Variants in CELSR3 observed in about 807,000 individuals in gnomAD.
CELSR3 encodes the protein EGF-like protein 1.
CELSR3 carries 73 observed loss-of-function variants against 270.0 expected under a neutral mutation model. The ratio of observed to expected loss-of-function variants is 0.27; its 90% CI spans 0.22 to 0.33. CELSR3 has a LOEUF of 0.33. Among genes scored for constraint, CELSR3 ranks in the 10% least tolerant of loss-of-function variants. CELSR3 has a pLI of 1.00. For missense variants in CELSR3, 3,614 were observed against 4,533.8 expected (o/e 0.80, Z 5.83); for synonymous variants, 1,780 against 1,905.4 (o/e 0.93, Z 1.71).
Position 48,662,326 on chromosome 3 carries a change from C to A in CELSR3, c.309G>T (p.Glu103Asp). The change falls in exon 1 of 35, where the codon GAG (glutamate) becomes GAT (aspartate). Residue 103 changes from glutamate to aspartate, a missense_variant. By Grantham distance (45) the Glu-to-Asp change is conservative. Around this residue, in one of 7 missense-constraint regions of CELSR3, gnomAD observed 470 missense variants for 469.7 expected, o/e 1.00. Coordinates refer to ENST00000164024, the MANE Select transcript of CELSR3 (RefSeq NM_001407.3). The surrounding 1 kb of genome is among the most constrained non-coding windows in gnomAD (Gnocchi z 7.1). ...QSARNSRGPP[E>D]QPNEELGIEH... ...CAATCCCCAGCTCCTCATTCGGCTG[C>A]TCAGGGGGCCCTCGACTATTCCGGG... 6.2e-7 allele frequency: 1 copy of A among 1,613,094 alleles called. No homozygotes were observed. The highest frequency in any genetic ancestry group is 8.5e-7 in the Non-Finnish European group (1 of 1,180,026).
chr3:48,660,853 G>T lies in CELSR3; in HGVS notation c.1782C>A (p.Ala594=). Residue 594 remains alanine, a synonymous_variant, in exon 1 of 35, where the codon GCC becomes GCA. Transcript: ENST00000164024. This position sits in a 1 kb window ranked among gnomAD's most constrained non-coding sequence, Gnocchi z 5.5. ...IISGNSRGHF[A]IDSLTGEIQV... is the part of the protein sequence containing the mutation. ...GGATCTCGCCAGTGAGGCTGTCGAT[G>T]GCAAAGTGTCCACGGCTATTGCCAC... 1 of 1,614,026 alleles carries T rather than the reference G, an allele frequency of 6.2e-7. No homozygotes were observed. The highest frequency in any genetic ancestry group is 1.1e-5 in the South Asian group (1 of 91,080).
rs751894895 is a variant in CELSR3 at position 48,650,598 on chromosome 3, T to G, written c.6371-17A>C. 1 of 1,585,108 alleles carries G rather than the reference T, an allele frequency of 6.3e-7. No homozygotes were observed. The highest frequency in any genetic ancestry group is 1.1e-5 in the South Asian group (1 of 87,520). ...CATAGAGCACTAGAGAGAGAAGAGG[T>G]GCTGAGCCAGGCAGTCAGGGTACAG... is the stretch of plus-strand genomic sequence containing the variant. On this transcript the variant is annotated splice_polypyrimidine_tract_variant and intron_variant, in intron 15 of 34. Coordinates refer to ENST00000164024, the MANE Select transcript of CELSR3 (RefSeq NM_001407.3). The surrounding 1 kb of genome is among the most constrained non-coding windows in gnomAD (Gnocchi z 5.1).
chr3:48,649,232 C>A lies in CELSR3; in HGVS notation c.6473-17G>T. ...CAGCAGCACCTGGAGGCAGGCAACC[C>A]CTGGTCAGGCCTGGGGCCTGGATAC... is the stretch of plus-strand genomic sequence containing the variant. On this transcript the variant is annotated splice_polypyrimidine_tract_variant and intron_variant, in intron 16 of 34. Transcript: ENST00000164024. 6.3e-7 allele frequency: 1 copy of A among 1,593,744 alleles called. No individual in the cohort carries two copies. Among genetic ancestry groups the A allele is most frequent in the South Asian group, 1.1e-5 (1 of 88,788 alleles).
At position 48,640,632 on chromosome 3, in the gene CELSR3, G is replaced by T; in HGVS notation, c.9026-73C>A. ...GGCAGGCAGGAATTGCTGAGTCTAG[G>T]GGTGTGGCAGCCCTTGGGATCCTTC... On this transcript the variant is annotated intron_variant, in intron 33 of 34. Coordinates refer to ENST00000164024, the MANE Select transcript of CELSR3 (RefSeq NM_001407.3). This position sits in a 1 kb window ranked among gnomAD's most constrained non-coding sequence, Gnocchi z 7.5. The T allele has an allele frequency of 1.4e-6, 2 of 1,434,312 alleles. No homozygotes were observed. The highest frequency in any genetic ancestry group is 9.3e-7 in the Non-Finnish European group (1 of 1,079,174). 88.8% of individuals were successfully genotyped at this position (1,434,312 alleles called of 1,614,324 possible).
At chr3:48,656,536 C>T (rs2077023606) in intron 2 of CELSR3, among the ~76,000 whole-genome samples, 162 bp downstream of exon 2, 1 of 152,268 alleles carries the variant, frequency 6.6e-6, no homozygotes, top group African/African-American at 2.4e-5. Flanking sequence ...TCATCGCTGC[C>T]TCGGCGGCGG....
At position 48,637,867 on chromosome 3, in the gene CELSR3, G is replaced by C. The variant is rs900138895; in HGVS notation, c.*338C>G. 8.7e-6 allele frequency: 3 copies of C among 342,900 alleles called. No individual in the cohort carries two copies. Among genetic ancestry groups the C allele is most frequent in the Non-Finnish European group, 1.7e-5 (3 of 180,784 alleles). The allele number at this position is 342,900 out of a possible 1,614,324, so 21.2% of individuals were successfully genotyped here. ...ATAGGGTTTGCTCAGGACCCAAATGGGGTCAAACTGCATCTCTCCCTCTAT... is the reference window on the plus strand; with the variant it reads ...ATAGGGTTTGCTCAGGACCCAAATGCGGTCAAACTGCATCTCTCCCTCTAT... On this transcript the variant is annotated 3_prime_UTR_variant, in exon 35 of 35. Coordinates refer to ENST00000164024, the MANE Select transcript of CELSR3 (RefSeq NM_001407.3).
chr3:48,638,146 T>C lies in CELSR3; in HGVS notation c.*59A>G. ...GATCTGCCCCCACTCCTGGAGTCTCTCCTGTTAGCCTAGATCCTCTGTCGC... is the reference window on the plus strand; with the variant it reads ...GATCTGCCCCCACTCCTGGAGTCTCCCCTGTTAGCCTAGATCCTCTGTCGC... On this transcript the variant is annotated 3_prime_UTR_variant, in exon 35 of 35. Coordinates refer to ENST00000164024, the MANE Select transcript of CELSR3 (RefSeq NM_001407.3). 6.6e-7 allele frequency: 1 copy of C among 1,516,088 alleles called. No homozygotes were observed. The highest frequency in any genetic ancestry group is 9.2e-7 in the Non-Finnish European group (1 of 1,091,336). The allele number at this position is 1,516,088 out of a possible 1,614,324, so 93.9% of individuals were successfully genotyped here.
At position 48,651,132 on chromosome 3, in the gene CELSR3, G is replaced by A. The variant is rs2047133628; in HGVS notation, c.6187-57C>T. ...AGAGGTCAGGGCTTGGGGAATGAGT[G>A]GAATCAAGGATAAAGGGTCAAGAGA... On this transcript the variant is annotated intron_variant, in intron 14 of 34. Transcript: ENST00000164024. The surrounding 1 kb of genome is among the most constrained non-coding windows in gnomAD (Gnocchi z 7.4). 11 of 1,507,816 alleles carry A rather than the reference G, an allele frequency of 7.3e-6. No homozygotes were observed. The highest frequency in any genetic ancestry group is 2.1e-5 in the Admixed American group (1 of 48,102). The allele number at this position is 1,507,816 out of a possible 1,614,324, so 93.4% of individuals were successfully genotyped here.
At position 48,658,144 on chromosome 3, in the gene CELSR3, CTGT is replaced by C. The variant is rs1039134026; in HGVS notation, c.3748+740_3748+742del. Among the ~76,000 whole-genome samples, 1 of 152,196 alleles carries C rather than the reference CTGT, an allele frequency of 6.6e-6. No individual in the cohort carries two copies. The highest frequency in any genetic ancestry group is 2.4e-5 in the African/African-American group (1 of 41,444). On this transcript the variant is annotated intron_variant, in intron 1 of 34. Coordinates refer to ENST00000164024, the MANE Select transcript of CELSR3 (RefSeq NM_001407.3). The surrounding 1 kb of genome is among the most constrained non-coding windows in gnomAD (Gnocchi z 4.7). ...ATACTGGGTGGTCAATAAGGATAGACTGTTGAGTGAGTTGAGGGATAAATGAAG... is the reference window on the plus strand; with the variant it reads ...ATACTGGGTGGTCAATAAGGATAGACTGAGTGAGTTGAGGGATAAATGAAG...
At position 48,660,192 on chromosome 3, in the gene CELSR3, G is replaced by A. The variant is rs141094235; in HGVS notation, c.2443C>T (p.Leu815=). Residue 815 remains leucine (L), a synonymous_variant, in exon 1 of 35, where the codon CTG becomes TTG. Transcript: ENST00000164024. This position sits in a 1 kb window ranked among gnomAD's most constrained non-coding sequence, Gnocchi z 5.5. ...STQGGVGLVT[L]ALPLDYKQER... ...TGCTTGTAGTCCAGTGGCAGAGCCA[G>A]AGTCACCAGACCCACACCCCCCTGG... is the stretch of plus-strand genomic sequence containing the variant. 63 of 1,614,008 alleles carry A rather than the reference G, an allele frequency of 3.9e-5. No individual in the cohort carries two copies. The highest frequency in any genetic ancestry group is 5.1e-5 in the Non-Finnish European group (60 of 1,180,036).
chr3:48,660,466 G>T lies in CELSR3; in HGVS notation c.2169C>A (p.Phe723Leu). 6.2e-7 allele frequency: 1 copy of T among 1,614,194 alleles called. No homozygotes were observed. Among genetic ancestry groups the T allele is most frequent in the Non-Finnish European group, 8.5e-7 (1 of 1,180,052 alleles). ...CATGGTCTCGAGCCTCCACACCAAA[G>T]AAGTAATGCTCCACAGACTCACGGT... The part of the protein sequence containing the change: ...PLDRESVEHY[F>L]FGVEARDHGS... Residue 723 changes from phenylalanine to leucine, a missense_variant, in exon 1 of 35, where the codon TTC (phenylalanine) becomes TTA (leucine). Transcript: ENST00000164024. The surrounding 1 kb of genome is among the most constrained non-coding windows in gnomAD (Gnocchi z 5.5).
Position 48,654,906 on chromosome 3 carries a change from T to G in CELSR3, c.4988+138A>C. The G allele has an allele frequency of 1.1e-6, 1 of 878,504 alleles. No individual in the cohort carries two copies. Among genetic ancestry groups the G allele is most frequent in the Non-Finnish European group, 1.8e-6 (1 of 550,060 alleles). The allele number at this position is 878,504 out of a possible 1,614,324, so 54.4% of individuals were successfully genotyped here. On this transcript the variant is annotated intron_variant, in intron 6 of 34. Coordinates refer to ENST00000164024, the MANE Select transcript of CELSR3 (RefSeq NM_001407.3). The surrounding 1 kb of genome is among the most constrained non-coding windows in gnomAD (Gnocchi z 5.4). ...TAGGGTGAGTAGGCTTTCAGGGTCT[T>G]TGAGAGGAGAGGGGAATCTTGGTGG...
At position 48,648,248 on chromosome 3, in the gene CELSR3, A is replaced by ACC; in HGVS notation, c.6973+16_6973+17dup. 3.0e-5 allele frequency: 29 copies of ACC among 975,160 alleles called. No individual in the cohort carries two copies. Among genetic ancestry groups the ACC allele is most frequent in the Non-Finnish European group, 4.0e-5 (26 of 653,462 alleles). The allele number at this position is 975,160 out of a possible 1,614,324, so 60.4% of individuals were successfully genotyped here. A position where few individuals can be genotyped will look rare whatever the true frequency, so the allele number is the denominator to read the frequency against. ...TGGCCCCCCTGCTGTGCCCCGCCCTACCCCACCCACAACGCACTGATATTA... is the reference window on the plus strand; with the variant it reads ...TGGCCCCCCTGCTGTGCCCCGCCCTACCCCCCACCCACAACGCACTGATATTA... On this transcript the variant is annotated intron_variant, in intron 19 of 34. Transcript: ENST00000164024.
Position 48,645,553 on chromosome 3 carries a change from TCA to T in CELSR3, c.7685_7686del (p.Leu2562GlnfsTer71). On this transcript the variant is annotated frameshift_variant, in exon 24 of 35. Coordinates refer to ENST00000164024, the MANE Select transcript of CELSR3 (RefSeq NM_001407.3). LOFTEE classifies it high-confidence loss of function. This position sits in a 1 kb window ranked among gnomAD's most constrained non-coding sequence, Gnocchi z 5.4. ...ACATTGGACTTGAGGCTGCGCAGGC[TCA>T]GCAGGATGGCTGCAGTCAGCACCAG... ...AALVLTAAIL[L>X]SLRSLKSNVR... The T allele has an allele frequency of 6.2e-7, 1 of 1,612,582 alleles. No homozygotes were observed. Among genetic ancestry groups the T allele is most frequent in the Non-Finnish European group, 8.5e-7 (1 of 1,179,966 alleles).
Position 48,661,344 on chromosome 3 carries a change from G to A in CELSR3, c.1291C>T (p.Pro431Ser). Residue 431 changes from proline to serine, a missense_variant, in exon 1 of 35, where the codon CCG (proline) becomes TCG (serine). By Grantham distance (74) the Pro-to-Ser change is moderately conservative (BLOSUM62 -1). Transcript: ENST00000164024. ...CGGTACTGCGCTTGCTCAAAAACCG[G>A]CGAGTGGTCGTTGCGGTCGGCTACT... is the stretch of plus-strand genomic sequence containing the variant. ...VTVADRNDHS[P>S]VFEQAQYRET... 1 of 1,613,258 alleles carries A rather than the reference G, an allele frequency of 6.2e-7. No homozygotes were observed. Among genetic ancestry groups the A allele is most frequent in the Non-Finnish European group, 8.5e-7 (1 of 1,179,914 alleles).
Position 48,656,496 on chromosome 3 carries a change from C to T in CELSR3, c.4400-131G>A. 3 of 1,131,910 alleles carry T rather than the reference C, an allele frequency of 2.7e-6. 1 individual carries two copies. In the South Asian group the frequency reaches 5.4e-5, roughly 20 times the overall value. 70.1% of individuals were successfully genotyped at this position (1,131,910 alleles called of 1,614,324 possible). On this transcript the variant is annotated intron_variant, in intron 2 of 34. Transcript: ENST00000164024. ...GTCGCCCTCTTCGGTGGACACGCCCCTTCCGTCTGGCCCCGCCCCCTCCCC... is the reference window on the plus strand; with the variant it reads ...GTCGCCCTCTTCGGTGGACACGCCCTTTCCGTCTGGCCCCGCCCCCTCCCC...
Position 48,641,479 on chromosome 3 carries a change from T to TC in CELSR3, c.8869dup (p.Glu2957GlyfsTer15). On this transcript the variant is annotated frameshift_variant, in exon 33 of 35. Transcript: ENST00000164024. LOFTEE classifies it high-confidence loss of function. This position sits in a 1 kb window ranked among gnomAD's most constrained non-coding sequence, Gnocchi z 4.8. Reference sequence around the variant, plus strand: ...CAGAGCACAGGGGGCTGCCTCGCACTCCCCCAGGGCTGGCCAGTAGGACAG... The same window carrying TC: ...CAGAGCACAGGGGGCTGCCTCGCACTCCCCCCAGGGCTGGCCAGTAGGACAG... 2 of 1,611,868 alleles carry TC rather than the reference T, an allele frequency of 1.2e-6. No individual in the cohort carries two copies. The highest frequency in any genetic ancestry group is 2.7e-5 in the African/African-American group (2 of 74,856).
At chr3:48,638,843 G>A (rs1367347828) in intron 34 of CELSR3, among the ~76,000 whole-genome samples, 1 of 150,894 alleles carries the variant, frequency 6.6e-6, no homozygotes. Context: ...TCCTCTCTCT[G>A]CCCTGGGTCC....
chr3:48,648,240 C>CCCCCCCCA, intron 19 of CELSR3, 26 bp downstream of exon 19: 1 of 973,556 alleles, frequency 1.0e-6, no homozygotes, highest in Non-Finnish European at 1.6e-6. Context: ...CCTGCTGTGC[C>CCCCCCCCA]CCGCCCTACC....
Sources: gnomAD v4.1 joint callset for allele counts (sites outside exome capture counted in the v4.1 genomes callset) on GRCh38, gnomAD v4.1.1 for gene constraint, gnomAD v4.1.1 regional missense constraint, Gnocchi (gnomAD v3.1) non-coding constraint, MANE v1.5 for transcripts, NCBI Gene and HGNC (gene_info 2026-07-23, HGNC 2026-07-21) for gene names.